Variants in TRPM8 observed in about 807,000 individuals in gnomAD.
The protein encoded by TRPM8 is TRPM8 cationic channel.
A neutral mutation model predicts 133.7 loss-of-function variants in TRPM8; 110 were observed. The ratio of observed to expected loss-of-function variants is 0.82; its 90% CI spans 0.70 to 0.96. TRPM8 has a LOEUF of 0.96. Ranked by LOEUF, TRPM8 falls within the 40% of genes least tolerant of loss-of-function variation. The pLI is 0.00. For missense variants in TRPM8, 1,291 were observed against 1,379.5 expected (o/e 0.94, Z 1.02); for synonymous variants, 535 against 532.3 (o/e 1.01, Z -0.07).
chr2:233,973,950 C>T (rs370286486), intron 17 of TRPM8, among the ~76,000 whole-genome samples: 2 of 152,222 alleles, frequency 1.3e-5, no homozygotes, highest in African/African-American at 2.4e-5. Context: ...CCCGACCTGG[C>T]GTGGTTTCCT....
At chr2:233,948,223 C>A (rs1329604352) in intron 8 of TRPM8, among the ~76,000 whole-genome samples, 6 of 152,146 alleles carry the variant, frequency 3.9e-5, no homozygotes, top group African/African-American at 1.4e-4. Context: ...TTTTCTTCAT[C>A]CATTCAACAG....
chr2:234,015,233 T>G (rs1232246305), intron 25 of TRPM8, among the ~76,000 whole-genome samples: 1 of 152,244 alleles, frequency 6.6e-6, no homozygotes, highest in Non-Finnish European at 1.5e-5. Flanking sequence ...CTCCATGGTC[T>G]TACTGTTTGC....
At chr2:233,947,696 C>A in intron 8 of TRPM8, 2 of 954,130 alleles carry the variant, frequency 2.1e-6, no homozygotes, top group Non-Finnish European at 2.9e-6. Flanking sequence ...ACTTCCCAGC[C>A]AATCTGTATG....
chr2:233,942,435 C>T (rs1009481387), intron 5 of TRPM8, 141 bp from the exon 6 acceptor site: 4 of 797,640 alleles, frequency 5.0e-6, no homozygotes, highest in Admixed American at 4.3e-5. Flanking sequence ...GTCCCCTCTC[C>T]TTCCTTGCCA....
chr2:233,944,428 T>G (rs1405531052), intron 6 of TRPM8, among the ~76,000 whole-genome samples: 2 of 152,190 alleles, frequency 1.3e-5, no homozygotes, highest in African/African-American at 4.8e-5. Context: ...ATGTGGGTAT[T>G]TTTACCTCTG....
chr2:234,012,511 T>C (rs940330749), intron 24 of TRPM8, among the ~76,000 whole-genome samples: 3 of 151,904 alleles, frequency 2.0e-5, no homozygotes, highest in Non-Finnish European at 4.4e-5. Context: ...GTGTGTAGTC[T>C]TTAGGATTTT....
At position 233,983,030 on chromosome 2, in the gene TRPM8, G is replaced by A. The variant is rs28902204; in HGVS notation, c.2590-23G>A. On this transcript the variant is annotated intron_variant, in intron 19 of 25. Transcript: ENST00000324695. ...CAACTGTGGGCACGGTCCTGACTCC[G>A]CTCTCCTGTCCTCCCCTGACAGCTG... is the stretch of plus-strand genomic sequence containing the variant. The A allele has an allele frequency of 3.0e-4, 485 of 1,603,296 alleles. 2 individuals carry two copies. In the East Asian group the frequency reaches 5.9e-3, roughly 19 times the overall value.
At chr2:233,949,823 G>T (rs2125128038) in intron 8 of TRPM8, 126 bp from the exon 9 acceptor site, 3 of 718,540 alleles carry the variant, frequency 4.2e-6, no homozygotes, top group Non-Finnish European at 6.8e-6. Context: ...TAAAATAAAA[G>T]CCCCAAAGGA....
chr2:234,018,206 T>C lies in TRPM8; in HGVS notation c.*950T>C, dbSNP rs183551396. The C allele has an allele frequency of 1.3e-5, 2 of 152,284 alleles. No individual in the cohort carries two copies. Among genetic ancestry groups the C allele is most frequent in the Admixed American group, 1.3e-4 (2 of 15,302 alleles). The allele number at this position is 152,284 out of a possible 1,614,324, so 9.4% of individuals were successfully genotyped here. ...ATATATACTTTTTATGTAAGCTTTT[T>C]CACTTAGTATTTTATCAAATATGTT... On this transcript the variant is annotated 3_prime_UTR_variant, in exon 26 of 26. Coordinates refer to ENST00000324695, the MANE Select transcript of TRPM8 (RefSeq NM_024080.5).
intron 1 of TRPM8, among the ~76,000 whole-genome samples, chr2:233,920,749 T>C (rs925120744): frequency 2.0e-5 from 3 of 152,136 alleles, no homozygotes; most frequent in African/African-American, 7.2e-5. Flanking sequence ...GTCTGTGTAC[T>C]CTTCACCCAG....
rs1287353125 is a variant in TRPM8 at position 234,018,583 on chromosome 2, AGTC to A, written c.*1328_*1330del. 2 of 152,022 alleles carry A rather than the reference AGTC, an allele frequency of 1.3e-5. No individual in the cohort carries two copies. The highest frequency in any genetic ancestry group is 1.3e-4 in the Admixed American group (2 of 15,254). The allele number at this position is 152,022 out of a possible 1,614,324, so 9.4% of individuals were successfully genotyped here. On this transcript the variant is annotated 3_prime_UTR_variant, in exon 26 of 26. Transcript: ENST00000324695. ...ATATTTAACCCTTAGTTTAAGAAGA[AGTC>A]AATATGCTTATTTAAATATTATGGA...
intron 9 of TRPM8, among the ~76,000 whole-genome samples, chr2:233,950,931 T>A (rs1691158531): frequency 1.3e-5 from 2 of 152,190 alleles, no homozygotes; most frequent in African/African-American, 4.8e-5. Flanking sequence ...CTGGGTGCAA[T>A]GACTCATGTC....
At chr2:233,964,506 C>G (rs1421779276) in intron 13 of TRPM8, 122 bp from the exon 14 acceptor site, 1 of 830,110 alleles carries the variant, frequency 1.2e-6, no homozygotes, top group Admixed American at 4.6e-5. Flanking sequence ...GAGCCAAGAT[C>G]GTGCCACAGC....
chr2:233,931,356 A>C (rs952339755), intron 3 of TRPM8, among the ~76,000 whole-genome samples: 1 of 151,730 alleles, frequency 6.6e-6, no homozygotes, highest in South Asian at 2.1e-4. Context: ...CCTACCTCCC[A>C]CTCTCCTTAT....
intron 24 of TRPM8, among the ~76,000 whole-genome samples, chr2:234,009,472 G>A (rs1692777206): frequency 6.6e-6 from 1 of 152,168 alleles, no homozygotes; most frequent in African/African-American, 2.4e-5. Context: ...GAGGGACAGG[G>A]TGCGAGCCTT....
At chr2:233,997,279 A>AAAAG (rs1305682628) in intron 22 of TRPM8, among the ~76,000 whole-genome samples, 1 of 152,336 alleles carries the variant, frequency 6.6e-6, no homozygotes, top group East Asian at 1.9e-4. Flanking sequence ...GTCTCAAAAA[A>AAAAG]AAAGAAAGAA....
intron 17 of TRPM8, among the ~76,000 whole-genome samples, chr2:233,973,107 C>G (rs1218501826): frequency 2.6e-5 from 4 of 152,180 alleles, no homozygotes; most frequent in Admixed American, 2.6e-4. Flanking sequence ...CAATTCTTGC[C>G]CCAGGACGGG....
intron 12 of TRPM8, among the ~76,000 whole-genome samples, chr2:233,962,100 T>C (rs529102333): frequency 6.6e-6 from 1 of 152,248 alleles, no homozygotes; most frequent in Non-Finnish European, 1.5e-5. Flanking sequence ...GGACACGTGT[T>C]CTTTTGTGAG....
Position 233,970,335 on chromosome 2 carries a change from T to C in TRPM8, c.2264T>C (p.Val755Ala), listed in dbSNP as rs763131949. 3 of 1,614,204 alleles carry C rather than the reference T, an allele frequency of 1.9e-6. No individual in the cohort carries two copies. Among genetic ancestry groups the C allele is most frequent in the Non-Finnish European group, 2.5e-6 (3 of 1,180,038 alleles). The change falls in exon 17 of 26, where the codon GTG (valine) becomes GCG (alanine). Residue 755 changes from valine to alanine, a missense_variant. Val to Ala is a moderately conservative substitution (Grantham distance 64, BLOSUM62 0). Around this residue, in one of 2 missense-constraint regions of TRPM8, gnomAD observed 963 missense variants for 968.9 expected, o/e 0.99. Coordinates refer to ENST00000324695, the MANE Select transcript of TRPM8 (RefSeq NM_024080.5). ...YIAFLLLFAY[V>A]LLMDFHSVPH... ...GCCTTCCTCCTGCTGTTTGCCTACG[T>C]GCTGCTCATGGATTTCCATTCGGTG...
Sources: allele counts gnomAD v4.1 joint callset (sites outside exome capture counted in the v4.1 genomes callset), GRCh38; gene constraint gnomAD v4.1.1; regional missense constraint gnomAD v4.1.1; transcripts MANE v1.5; gene names NCBI Gene and HGNC (gene_info 2026-07-23, HGNC 2026-07-21).